The following RIMS2 variants were observed in gnomAD, a reference collection of about 807,000 sequenced individuals.
RIMS2 encodes regulating synaptic membrane exocytosis 2.
Under a neutral mutation model 174.4 loss-of-function variants are expected in RIMS2, and 59 were observed. The observed-to-expected ratio is 0.34, with a 90% CI of 0.27 to 0.42. The LOEUF is 0.42. RIMS2 is among the 10% of genes least tolerant of loss of function. RIMS2 has a pLI of 1.00. For synonymous variants in RIMS2, 606 were observed against 572.5 expected (o/e 1.06, Z -0.84); for missense variants, 1,620 against 1,666.3 (o/e 0.97, Z 0.48).
intron 19 of RIMS2, among the ~76,000 whole-genome samples, chr8:104,233,862 C>T (rs2099244645): frequency 6.6e-6 from 1 of 152,160 alleles, no homozygotes; most frequent in Admixed American, 6.6e-5. Context: ...ATTTTAGTTT[C>T]TAGCCTCTGT....
At chr8:104,230,863 A>C (rs543447704) in intron 19 of RIMS2, among the ~76,000 whole-genome samples, 31 of 151,778 alleles carry the variant, frequency 2.0e-4, no homozygotes, top group African/African-American at 6.8e-4. Context: ...ACTGAATGTC[A>C]GCCCAAGGTT....
At chr8:103,618,125 G>T (rs1348251519) in intron 1 of RIMS2, among the ~76,000 whole-genome samples, 1 of 152,062 alleles carries the variant, frequency 6.6e-6, no homozygotes, top group Non-Finnish European at 1.5e-5. Flanking sequence ...AAGAAAATGT[G>T]GTACACATAC....
In RIMS2 at chr8:103,815,579, A is replaced by G. The variant is rs546675557; in HGVS notation, c.698+49042A>G. 7.2e-4 allele frequency among the ~76,000 whole-genome samples: 110 copies of G among 152,318 alleles called. 1 individual carries two copies. Among genetic ancestry groups the G allele is most frequent in the Admixed American group, 4.1e-3 (63 of 15,302 alleles). ...TCTCTCTGCTGGACTCAATGTAAAT[A>G]TGGAGCTGATCTTGCTTGGAAGTTC... On this transcript the variant is annotated intron_variant, in intron 3 of 23. Coordinates refer to ENST00000504942, the Ensembl canonical transcript of RIMS2.
chr8:103,709,728 A>G (rs903465803), intron 2 of RIMS2, among the ~76,000 whole-genome samples: 2 of 151,756 alleles, frequency 1.3e-5, no homozygotes, highest in African/African-American at 2.4e-5. Context: ...ATGTTCACCG[A>G]TCATTACTGA....
At chr8:103,564,893 T>A (rs1327345764) in intron 1 of RIMS2, among the ~76,000 whole-genome samples, 2 of 152,162 alleles carry the variant, frequency 1.3e-5, no homozygotes, top group Non-Finnish European at 2.9e-5. Context: ...GTCTTACCAT[T>A]TTTTAGGAAT....
At chr8:104,206,323 A>C (rs1216109040) in intron 19 of RIMS2, among the ~76,000 whole-genome samples, 1 of 152,214 alleles carries the variant, frequency 6.6e-6, no homozygotes, top group Non-Finnish European at 1.5e-5. Context: ...ATAAATTCGT[A>C]TCTCTCTGAA....
intron 19 of RIMS2, among the ~76,000 whole-genome samples, chr8:104,190,480 C>G (rs759627538): frequency 7.9e-5 from 12 of 151,960 alleles, no homozygotes; most frequent in Admixed American, 1.3e-4. Context: ...CTATATGATA[C>G]TTCTTATTTT....
intron 19 of RIMS2, among the ~76,000 whole-genome samples, chr8:104,144,978 C>A (rs1358157494): frequency 3.3e-5 from 5 of 152,090 alleles, no homozygotes; most frequent in African/African-American, 4.8e-5. Context: ...CCCTCCCCAT[C>A]CCCCACCATC....
chr8:103,818,801 A>T (rs2098733817), intron 3 of RIMS2, among the ~76,000 whole-genome samples: 1 of 152,222 alleles, frequency 6.6e-6, no homozygotes. Flanking sequence ...AAGAAATTAA[A>T]ACACCTAAGT....
intron 1 of RIMS2, among the ~76,000 whole-genome samples, chr8:103,616,299 G>T (rs1273361760): frequency 6.6e-6 from 1 of 152,084 alleles, no homozygotes; most frequent in South Asian, 2.1e-4. Flanking sequence ...TGCAGAAAAG[G>T]CTTTTGATAA....
chr8:103,674,992 T>C (rs2096789963), intron 1 of RIMS2, among the ~76,000 whole-genome samples: 1 of 152,152 alleles, frequency 6.6e-6, no homozygotes, highest in South Asian at 2.1e-4. Context: ...TTGAAGATTT[T>C]AAACTACTGA....
chr8:104,024,541 CGTT>C (rs55642714), intron 19 of RIMS2, among the ~76,000 whole-genome samples: 22 of 151,348 alleles, frequency 1.5e-4, no homozygotes, highest in African/African-American at 2.4e-4. Context: ...CAACCGGTTT[CGTT>C]GTTGTTGTTG....
intron 1 of RIMS2, among the ~76,000 whole-genome samples, chr8:103,589,897 G>A (rs555573250): frequency 6.6e-6 from 1 of 151,500 alleles, no homozygotes; most frequent in East Asian, 1.9e-4. Context: ...TGGAACTCAT[G>A]GACATAGAGA....
intron 14 of RIMS2, among the ~76,000 whole-genome samples, chr8:103,948,622 A>G (rs2084428197): frequency 6.6e-6 from 1 of 152,198 alleles, no homozygotes; most frequent in Non-Finnish European, 1.5e-5. Flanking sequence ...CATATATAGA[A>G]GTGACAAATC....
intron 1 of RIMS2, among the ~76,000 whole-genome samples, chr8:103,607,677 T>C (rs1350992934): frequency 3.6e-5 from 5 of 138,616 alleles, no homozygotes; most frequent in Admixed American, 7.0e-5. Context: ...TAGTCCCATA[T>C]TTCTTGGAGG....
chr8:104,121,471 C>T (rs1255434564), intron 19 of RIMS2, among the ~76,000 whole-genome samples: 1 of 152,066 alleles, frequency 6.6e-6, no homozygotes, highest in Non-Finnish European at 1.5e-5. Context: ...CAGACTGTTA[C>T]TATTAATCTA....
intron 19 of RIMS2, among the ~76,000 whole-genome samples, chr8:104,205,981 C>T (rs960049621): frequency 6.6e-5 from 10 of 152,112 alleles, no homozygotes; most frequent in African/African-American, 2.2e-4. Context: ...TTCTCAAACT[C>T]CTGACCTCAA....
rs112784170 is a variant in RIMS2, at chr8:104,146,400, G to T, written c.3335-98516G>T. Among the ~76,000 whole-genome samples the T allele has an allele frequency of 3.2e-3, 494 of 152,068 alleles. 4 individuals carry two copies. Among genetic ancestry groups the T allele is most frequent in the African/African-American group, 0.011 (454 of 41,510 alleles). On this transcript the variant is annotated intron_variant, in intron 19 of 23. Transcript: ENST00000504942. ...TCTCTAAAAAACAAATGAATAAAAAGAAATAACTCCTTTTGTAAATAATGC... is the reference window on the plus strand; with the variant it reads ...TCTCTAAAAAACAAATGAATAAAAATAAATAACTCCTTTTGTAAATAATGC...
chr8:104,099,590 CTT>C (rs925084554), intron 19 of RIMS2, among the ~76,000 whole-genome samples: 9 of 152,082 alleles, frequency 5.9e-5, no homozygotes, highest in African/African-American at 2.2e-4. Flanking sequence ...TTCCTCCTCT[CTT>C]TTGGGTTGCT....
Sources: gnomAD v4.1 joint callset for allele counts (sites outside exome capture counted in the v4.1 genomes callset) on GRCh38, gnomAD v4.1.1 for gene constraint, MANE v1.5 for transcripts, NCBI Gene and HGNC (gene_info 2026-07-23, HGNC 2026-07-21) for gene names.